The following CEP89 variants were observed in gnomAD, a reference collection of about 807,000 sequenced individuals.
CEP89 encodes the protein centrosomal protein 89.
Under a neutral mutation model 97.6 loss-of-function variants are expected in CEP89, and 95 were observed. The ratio of observed to expected loss-of-function variants is 0.97; its 90% CI spans 0.82 to 1.15. CEP89 has a LOEUF of 1.15. CEP89 is among the 50% of genes most tolerant of loss of function. The pLI is 0.00. For synonymous variants in CEP89, 354 were observed against 349.1 expected, an observed-to-expected ratio of 1.01 and a Z score of -0.16; for missense variants, 869 against 947.7, an observed-to-expected ratio of 0.92 and a Z score of 1.09.
In CEP89 at chr19:32,933,596, A is replaced by G; in HGVS notation, c.741T>C (p.Asn247=). Residue 247 remains asparagine (N), a synonymous_variant, in exon 8 of 19, where the codon AAT becomes AAC. Transcript: ENST00000305768. ...REKFEALKEE[N]MDLNNMNQSL... is the part of the protein sequence containing the mutation. ...TTTGATTCATATTGTTTAGGTCCATATTTTCTTCTTTTAATGCCTCAAACT... is the reference window on the plus strand; with the variant it reads ...TTTGATTCATATTGTTTAGGTCCATGTTTTCTTCTTTTAATGCCTCAAACT... 6.2e-7 allele frequency: 1 copy of G among 1,612,994 alleles called. No individual in the cohort carries two copies.
Position 32,959,956 on chromosome 19 carries a change from A to G in CEP89, c.249T>C (p.Ser83=), listed in dbSNP as rs534382678. The change falls in exon 3 of 19, where the codon AGT becomes AGC. Residue 83 remains serine (S), a synonymous_variant. Transcript: ENST00000305768. ...QRSRSESDVS[S]VEQDSFIEPY... is the part of the protein sequence containing the mutation. Reference sequence around the variant, plus strand: ...GCTCGATGAAGCTGTCCTGTTCAACACTGCTCACATCACTCTCAGACCGGG... The same window carrying G: ...GCTCGATGAAGCTGTCCTGTTCAACGCTGCTCACATCACTCTCAGACCGGG... The G allele has an allele frequency of 6.2e-7, 1 of 1,614,094 alleles. No homozygotes were observed. Among genetic ancestry groups the G allele is most frequent in the Non-Finnish European group, 8.5e-7 (1 of 1,180,038 alleles).
intron 12 of CEP89, among the ~76,000 whole-genome samples, chr19:32,922,855 A>G (rs573137642): frequency 1.3e-5 from 2 of 152,110 alleles, no homozygotes; most frequent in Admixed American, 1.3e-4. Flanking sequence ...CTCAAAAAAA[A>G]AAAAAGAAAA....
Position 32,883,588 on chromosome 19 carries a change from T to C in CEP89, c.1966-1575A>G, listed in dbSNP as rs539896596. On this transcript the variant is annotated intron_variant, in intron 17 of 18. Transcript: ENST00000305768. ...TACTGGGGAGGCTGAGGCAGGAGAATTGCTTGAACCTGGGAGGCAGAGGTT... is the reference window on the plus strand; with the variant it reads ...TACTGGGGAGGCTGAGGCAGGAGAACTGCTTGAACCTGGGAGGCAGAGGTT... Among the ~76,000 whole-genome samples the C allele has an allele frequency of 9.5e-4, 145 of 152,154 alleles. 1 individual carries two copies. The highest frequency in any genetic ancestry group is 5.8e-3 in the East Asian group (30 of 5,140).
At chr19:32,960,717 G>A (rs1177503101) in intron 2 of CEP89, among the ~76,000 whole-genome samples, 1 of 152,072 alleles carries the variant, frequency 6.6e-6, no homozygotes, top group South Asian at 2.1e-4. Context: ...GACTGAGGCA[G>A]GAGAATCGGT....
In CEP89 at chr19:32,883,209, C is replaced by T. The variant is rs557417969; in HGVS notation, c.1966-1196G>A. Among the ~76,000 whole-genome samples the T allele has an allele frequency of 9.2e-5, 14 of 152,228 alleles. No homozygotes were observed. The East Asian group carries it at 2.3e-3, about 25-fold the overall frequency. ...ACAGAGAGTCTGACATGTAGTCCCA[C>T]AGACTCATTTTTTTATAAGAAGCTC... On this transcript the variant is annotated intron_variant, in intron 17 of 18. Transcript: ENST00000305768.
At position 32,926,950 on chromosome 19, in the gene CEP89, G is replaced by A; in HGVS notation, c.1064C>T (p.Pro355Leu). ...TTCACTTACCAACCAGGGTGGTATA[G>A]GGCCCTTGGATGGGAGGCCTTCAAT... ...LNIEGLPSKG[P>L]IPPWLLDIKY... Residue 355 changes from proline (P) to leucine (L), a missense_variant, in exon 10 of 19, where the codon CCT becomes CTT. Pro to Leu is a moderately conservative substitution (Grantham distance 98, BLOSUM62 -3). Coordinates refer to ENST00000305768, the MANE Select transcript of CEP89 (RefSeq NM_032816.5). 6.2e-7 allele frequency: 1 copy of A among 1,613,700 alleles called. No homozygotes were observed. Among genetic ancestry groups the A allele is most frequent in the Non-Finnish European group, 8.5e-7 (1 of 1,179,642 alleles).
chr19:32,944,976 C>T lies in CEP89; in HGVS notation c.595+3290G>A, dbSNP rs371529869. On this transcript the variant is annotated intron_variant, in intron 5 of 18. Coordinates refer to ENST00000305768, the MANE Select transcript of CEP89 (RefSeq NM_032816.5). ...TAAGTAAGTTAGCCATGCCTAGAAA[C>T]GACAGAGTCAAGGACCAAACCACCA... Among the ~76,000 whole-genome samples, 13 of 152,286 alleles carry T rather than the reference C, an allele frequency of 8.5e-5. 1 individual carries two copies. The South Asian group carries it at 1.7e-3, about 19-fold the overall frequency.
intron 9 of CEP89, among the ~76,000 whole-genome samples, chr19:32,930,171 G>A (rs1037106633): frequency 7.2e-5 from 11 of 151,912 alleles, no homozygotes; most frequent in Admixed American, 5.2e-4. Context: ...GATTACAGGT[G>A]CGCACGACCA....
chr19:32,897,185 T>A (rs1969661387), intron 16 of CEP89, among the ~76,000 whole-genome samples: 1 of 152,222 alleles, frequency 6.6e-6, no homozygotes, highest in Admixed American at 6.5e-5. Flanking sequence ...TAGGACCACA[T>A]GTAGGAAAGC....
chr19:32,962,507 T>C (rs1971191246), intron 2 of CEP89, among the ~76,000 whole-genome samples: 1 of 152,106 alleles, frequency 6.6e-6, no homozygotes, highest in Admixed American at 6.6e-5. Context: ...CCGAAAACCA[T>C]AACACTTCTA....
intron 4 of CEP89, among the ~76,000 whole-genome samples, chr19:32,950,881 G>C (rs920892728): frequency 2.6e-5 from 4 of 152,088 alleles, no homozygotes; most frequent in African/African-American, 7.2e-5. Context: ...AATAACTGAA[G>C]ACTCCCAAAC....
intron 9 of CEP89, 106 bp downstream of exon 9, chr19:32,931,323 T>C (rs1299787034): frequency 5.6e-6 from 6 of 1,062,946 alleles, no homozygotes; most frequent in South Asian, 1.7e-5. Context: ...ACAGAGCTTT[T>C]CTTACATCAA....
chr19:32,923,658 C>T (rs1226863958), intron 11 of CEP89, 116 bp from the exon 12 acceptor site: 5 of 693,574 alleles, frequency 7.2e-6, no homozygotes, highest in Middle Eastern at 5.0e-4. Context: ...AGCAAGGTCT[C>T]ACAACAGGCC....
chr19:32,926,311 T>C, intron 10 of CEP89, 38 bp from the exon 11 acceptor site: 1 of 1,457,088 alleles, frequency 6.9e-7, no homozygotes, highest in Admixed American at 1.8e-5. Context: ...ATATATTTCT[T>C]ACATCTAAAC....
Position 32,933,639 on chromosome 19 carries a change from G to C in CEP89, c.698C>G (p.Thr233Arg). 1 of 1,611,814 alleles carries C rather than the reference G, an allele frequency of 6.2e-7. No homozygotes were observed. The highest frequency in any genetic ancestry group is 8.5e-7 in the Non-Finnish European group (1 of 1,178,068). Residue 233 changes from threonine (T) to arginine (R), a missense_variant, in exon 8 of 19, where the codon ACA (threonine) becomes AGA (arginine). Thr to Arg is a moderately conservative substitution (Grantham distance 71, BLOSUM62 -1). Transcript: ENST00000305768. ...DITGRARQRY[T>R]EITREKFEAL... is the part of the protein sequence containing the mutation. ...CTCAAACTTTTCTCTGGTTATTTCTGTATATCTTTGACGTGCTCTACCAGT... is the reference window on the plus strand; with the variant it reads ...CTCAAACTTTTCTCTGGTTATTTCTCTATATCTTTGACGTGCTCTACCAGT...
intron 2 of CEP89, among the ~76,000 whole-genome samples, chr19:32,965,053 G>A (rs1971252199): frequency 6.6e-6 from 1 of 152,054 alleles, no homozygotes; most frequent in African/African-American, 2.4e-5. Flanking sequence ...TTGCAGACAT[G>A]CACCATCATG....
chr19:32,931,322 T>C, intron 9 of CEP89, 107 bp downstream of exon 9: 1 of 1,056,736 alleles, frequency 9.5e-7, no homozygotes, highest in Non-Finnish European at 1.3e-6. Flanking sequence ...GACAGAGCTT[T>C]TCTTACATCA....
intron 9 of CEP89, among the ~76,000 whole-genome samples, chr19:32,927,658 G>T (rs1238860930): frequency 6.6e-6 from 1 of 151,802 alleles, no homozygotes. Flanking sequence ...GGGCTGGAGT[G>T]CAGTGGTGAG....
chr19:32,897,226 G>A (rs1300470873), intron 16 of CEP89, among the ~76,000 whole-genome samples: 1 of 152,176 alleles, frequency 6.6e-6, no homozygotes, highest in African/African-American at 2.4e-5. Context: ...TTCTATGTAA[G>A]ACTGAATGCA....
Sources: gnomAD v4.1 joint callset for allele counts (sites outside exome capture counted in the v4.1 genomes callset) on GRCh38, gnomAD v4.1.1 for gene constraint, MANE v1.5 for transcripts, NCBI Gene and HGNC (gene_info 2026-07-23, HGNC 2026-07-21) for gene names.